CDH6: variants seen among roughly 807,000 people sequenced by gnomAD.
CDH6 encodes the protein cadherin 6, also known as cadherin-6.
In CDH6, 31 loss-of-function variants were observed where a neutral mutation model predicts 78.0. That is an observed-to-expected ratio of 0.40 (90% confidence interval 0.30 to 0.54). The LOEUF (loss-of-function observed/expected upper bound fraction) is 0.54. CDH6 is among the 20% of genes least tolerant of loss of function. The pLI is 0.56. For missense variants in CDH6, 724 were observed against 975.9 expected, an observed-to-expected ratio of 0.74 and a Z score of 3.44; for synonymous variants, 376 against 368.8, an observed-to-expected ratio of 1.02 and a Z score of -0.23.
rs148381032 is a variant in CDH6 at position 31,298,591 on chromosome 5, G to A, written c.644-873G>A. 5.3e-5 allele frequency among the ~76,000 whole-genome samples: 8 copies of A among 152,230 alleles called. No homozygotes were observed. In the East Asian group the frequency reaches 9.6e-4, roughly 18 times the overall value. On this transcript the variant is annotated intron_variant, in intron 4 of 11. Coordinates refer to ENST00000265071, the MANE Select transcript of CDH6 (RefSeq NM_004932.4). ...TAAAAATTTTAAAAAAGATATTTTC[G>A]CTTCATTAGTTGTTAAGCACTAGAA... is the stretch of plus-strand genomic sequence containing the variant.
intron 2 of CDH6, among the ~76,000 whole-genome samples, chr5:31,275,347 C>T (rs1430405622): frequency 6.6e-6 from 1 of 152,110 alleles, no homozygotes. Context: ...GCCCCTCTCC[C>T]TCCCACCTCC....
chr5:31,236,797 A>G lies in CDH6; in HGVS notation c.-128-30549A>G, dbSNP rs984514982. Among the ~76,000 whole-genome samples the G allele has an allele frequency of 2.4e-4, 36 of 152,160 alleles. 1 individual carries two copies. Among genetic ancestry groups the G allele is most frequent in the Admixed American group, 2.1e-3 (32 of 15,268 alleles). On this transcript the variant is annotated intron_variant, in intron 1 of 11. Transcript: ENST00000265071. ...TCCCTCATGCTGGGATTTAATGTCA[A>G]TATTTGTGCCCAACATCTGAACGGA...
At chr5:31,283,587 TC>T (rs1455734090) in intron 2 of CDH6, among the ~76,000 whole-genome samples, 6 of 152,318 alleles carry the variant, frequency 3.9e-5, no homozygotes, top group Admixed American at 3.9e-4. Flanking sequence ...TTATCATTTT[TC>T]CAAATCCCAG....
intron 1 of CDH6, among the ~76,000 whole-genome samples, chr5:31,194,213 T>C (rs1740098284): frequency 6.6e-6 from 1 of 152,150 alleles, no homozygotes; most frequent in Non-Finnish European, 1.5e-5. Context: ...CCCGCTGCCT[T>C]TCTCTACGCC....
chr5:31,205,163 AC>A (rs759331700), intron 1 of CDH6, among the ~76,000 whole-genome samples: 52 of 152,344 alleles, frequency 3.4e-4, no homozygotes, highest in South Asian at 1.7e-3. Flanking sequence ...ATAAATGCTT[AC>A]TAGGTGAAAT....
intron 1 of CDH6, among the ~76,000 whole-genome samples, chr5:31,230,270 C>G (rs546324697): frequency 6.6e-6 from 1 of 152,308 alleles, no homozygotes; most frequent in African/African-American, 2.4e-5. Context: ...GAAAAGTCAT[C>G]TCTGTCCTGT....
Position 31,301,079 on chromosome 5 carries a change from C to T in CDH6, c.812-1032C>T, listed in dbSNP as rs564493582. Among the ~76,000 whole-genome samples the T allele has an allele frequency of 2.3e-3, 344 of 152,240 alleles. 1 individual carries two copies. The highest frequency in any genetic ancestry group is 3.4e-3 in the Middle Eastern group (1 of 294). ...TTGAGGCTGCAGTGAGCCATGATCACGCCACTGCACTCCAGCCTGAGCAAC... is the reference window on the plus strand; with the variant it reads ...TTGAGGCTGCAGTGAGCCATGATCATGCCACTGCACTCCAGCCTGAGCAAC... On this transcript the variant is annotated intron_variant, in intron 5 of 11. Coordinates refer to ENST00000265071, the MANE Select transcript of CDH6 (RefSeq NM_004932.4).
chr5:31,322,375 T>C (rs1325815433), intron 11 of CDH6, among the ~76,000 whole-genome samples: 1 of 151,892 alleles, frequency 6.6e-6, no homozygotes, highest in Non-Finnish European at 1.5e-5. Flanking sequence ...TTATTTTAGA[T>C]GTGGAGTTGT....
At chr5:31,307,653 G>A (rs1422383050) in intron 7 of CDH6, among the ~76,000 whole-genome samples, 2 of 152,184 alleles carry the variant, frequency 1.3e-5, no homozygotes, top group Non-Finnish European at 2.9e-5. Context: ...CTTGGAGTTT[G>A]TTGTAACTGC....
chr5:31,242,663 A>G (rs182419279), intron 1 of CDH6, among the ~76,000 whole-genome samples: 4 of 149,142 alleles, frequency 2.7e-5, no homozygotes, highest in Admixed American at 2.7e-4. Context: ...ACTAAACTGC[A>G]GTCAAGCTGC....
chr5:31,300,896 A>C (rs1387678406), intron 5 of CDH6, among the ~76,000 whole-genome samples: 11 of 152,172 alleles, frequency 7.2e-5, no homozygotes, highest in Non-Finnish European at 1.3e-4. Context: ...TGAGGGAGGA[A>C]GACTGTGTGA....
intron 1 of CDH6, among the ~76,000 whole-genome samples, chr5:31,246,735 T>C (rs1043367199): frequency 6.9e-6 from 1 of 144,664 alleles, no homozygotes; most frequent in Admixed American, 6.7e-5. Context: ...TTTTTTGTGT[T>C]TTGTTTTTTG....
At chr5:31,195,325 G>A (rs1332047500) in intron 1 of CDH6, among the ~76,000 whole-genome samples, 1 of 152,124 alleles carries the variant, frequency 6.6e-6, no homozygotes, top group Non-Finnish European at 1.5e-5. Flanking sequence ...TCCTCCCTGT[G>A]TTGGAAAAAG....
intron 2 of CDH6, among the ~76,000 whole-genome samples, chr5:31,287,496 T>C (rs1293873377): frequency 6.6e-6 from 1 of 152,212 alleles, no homozygotes; most frequent in Non-Finnish European, 1.5e-5. Context: ...TTATTTATTG[T>C]CTGAGAAACC....
intron 1 of CDH6, among the ~76,000 whole-genome samples, chr5:31,231,590 G>A (rs1188688830): frequency 6.6e-6 from 1 of 152,210 alleles, no homozygotes. Context: ...TCTATGCAGA[G>A]TCCCAAGGTG....
At chr5:31,214,822 C>A (rs76119088) in intron 1 of CDH6, among the ~76,000 whole-genome samples, 2 of 152,090 alleles carry the variant, frequency 1.3e-5, no homozygotes, top group African/African-American at 4.8e-5. Context: ...TTTGAACCTT[C>A]GATGTAAAAA....
At position 31,267,544 on chromosome 5, in the gene CDH6, T is replaced by C. The variant is rs1194759197; in HGVS notation, c.71T>C (p.Leu24Pro). The change falls in exon 2 of 12, where the codon CTA (leucine) becomes CCA (proline). Residue 24 changes from leucine to proline, a missense_variant. Transcript: ENST00000265071. ...CCCTACCCAACTCTCTCAACTCCACTATCAAAGAGGACTAGTGGTTTCCCA... is the reference window on the plus strand; with the variant it reads ...CCCTACCCAACTCTCTCAACTCCACCATCAAAGAGGACTAGTGGTTTCCCA... ...GQPYPTLSTP[L>P]SKRTSGFPAK... 6.2e-7 allele frequency: 1 copy of C among 1,614,062 alleles called. No individual in the cohort carries two copies. Among genetic ancestry groups the C allele is most frequent in the East Asian group, 2.2e-5 (1 of 44,852 alleles).
At chr5:31,219,612 C>T (rs1026718943) in intron 1 of CDH6, among the ~76,000 whole-genome samples, 3 of 152,078 alleles carry the variant, frequency 2.0e-5, no homozygotes, top group African/African-American at 7.2e-5. Flanking sequence ...AGTTTCATTT[C>T]CTGCATGGAG....
At position 31,214,674 on chromosome 5, in the gene CDH6, A is replaced by G. The variant is rs1379883119; in HGVS notation, c.-129+20788A>G. 2.6e-5 allele frequency among the ~76,000 whole-genome samples: 4 copies of G among 152,214 alleles called. 1 individual carries two copies. Among genetic ancestry groups the G allele is most frequent in the Admixed American group, 2.6e-4 (4 of 15,278 alleles). The stretch of plus-strand genomic sequence containing the variant: ...AAGCCTTTATTTACTGATTGCAGAT[A>G]AATTTTGACCTGAAATTAATGAAAA... On this transcript the variant is annotated intron_variant, in intron 1 of 11. Transcript: ENST00000265071.
Sources: gnomAD v4.1 joint callset for allele counts (sites outside exome capture counted in the v4.1 genomes callset) on GRCh38, gnomAD v4.1.1 for gene constraint, MANE v1.5 for transcripts, NCBI Gene and HGNC (gene_info 2026-07-23, HGNC 2026-07-21) for gene names.